Variants in TTC27 observed in about 807,000 individuals in gnomAD.
TTC27 encodes tetratricopeptide repeat domain 27, also known as tetratricopeptide repeat protein 27.
A neutral mutation model predicts 115.9 loss-of-function variants in TTC27; 79 were observed. The observed-to-expected ratio is 0.68, with a 90% CI of 0.57 to 0.82. The LOEUF is 0.82. Among genes scored for constraint, TTC27 ranks in the 40% least tolerant of loss-of-function variants. The probability of loss-of-function intolerance (pLI) is 0.00; values close to 1 mark genes in which losing one functional copy is unlikely to be tolerated. For missense variants in TTC27, 1,054 were observed against 993.1 expected (o/e 1.06, Z -0.82); for synonymous variants, 401 against 356.0 (o/e 1.13, Z -1.42).
chr2:32,676,429 TAA>T (rs1287446670), intron 8 of TTC27, among the ~76,000 whole-genome samples: 1 of 151,886 alleles, frequency 6.6e-6, no homozygotes, highest in Non-Finnish European at 1.5e-5. Context: ...ATAAAATCCT[TAA>T]ACAGTATTGA....
At chr2:32,630,721 T>G in intron 2 of TTC27, 21 bp downstream of exon 2, 1 of 1,593,420 alleles carries the variant, frequency 6.3e-7, no homozygotes, top group South Asian at 1.1e-5. Flanking sequence ...ATTTGAAATT[T>G]TCATAGAGGA....
chr2:32,791,734 G>T (rs998481559), intron 16 of TTC27, among the ~76,000 whole-genome samples: 1 of 152,090 alleles, frequency 6.6e-6, no homozygotes, highest in Non-Finnish European at 1.5e-5. Flanking sequence ...AATAAGCCAG[G>T]CATGGTGGGA....
chr2:32,636,459 C>A (rs1235041030), intron 3 of TTC27, among the ~76,000 whole-genome samples: 3 of 152,126 alleles, frequency 2.0e-5, no homozygotes, highest in Non-Finnish European at 4.4e-5. Context: ...GGTGATCCAC[C>A]CGCCTCGGCC....
At chr2:32,688,030 T>A (rs1351123694) in intron 9 of TTC27, among the ~76,000 whole-genome samples, 2 of 152,176 alleles carry the variant, frequency 1.3e-5, no homozygotes, top group Non-Finnish European at 2.9e-5. Flanking sequence ...GACCATATAC[T>A]GGGACATAAA....
intron 14 of TTC27, 110 bp downstream of exon 14, chr2:32,778,090 C>G: frequency 1.0e-6 from 1 of 976,880 alleles, no homozygotes; most frequent in Non-Finnish European, 1.5e-6. Flanking sequence ...GGAAAGTGTA[C>G]ATTTGAGGGA....
intron 16 of TTC27, among the ~76,000 whole-genome samples, chr2:32,803,010 A>G (rs1015667245): frequency 2.6e-5 from 4 of 152,120 alleles, no homozygotes; most frequent in Admixed American, 2.0e-4. Flanking sequence ...TGTCTGTTCA[A>G]CTGGTAATAT....
At chr2:32,741,128 C>A (rs1012997787) in intron 12 of TTC27, among the ~76,000 whole-genome samples, 2 of 152,186 alleles carry the variant, frequency 1.3e-5, no homozygotes, top group Non-Finnish European at 2.9e-5. Context: ...CACTTCAGAC[C>A]TTTGTAATTG....
intron 13 of TTC27, among the ~76,000 whole-genome samples, chr2:32,765,073 T>C (rs775597842): frequency 6.1e-4 from 93 of 152,368 alleles, no homozygotes; most frequent in Non-Finnish European, 1.0e-3. Flanking sequence ...GAATCAGGAA[T>C]GTTCTTATTG....
Position 32,798,272 on chromosome 2 carries a change from C to T in TTC27, c.1998+11123C>T, listed in dbSNP as rs968623805. Reference sequence around the variant, plus strand: ...ATACAAAAAAATGAATGGTGGCGGGCGCCTGTAGTCCCAGCTATTTGGGAG... The same window carrying T: ...ATACAAAAAAATGAATGGTGGCGGGTGCCTGTAGTCCCAGCTATTTGGGAG... On this transcript the variant is annotated intron_variant, in intron 16 of 19. Coordinates refer to ENST00000317907, the MANE Select transcript of TTC27 (RefSeq NM_017735.5). Among the ~76,000 whole-genome samples the T allele has an allele frequency of 7.9e-5, 12 of 151,124 alleles. No individual in the cohort carries two copies. In the South Asian group the frequency reaches 1.0e-3, roughly 13 times the overall value.
chr2:32,788,962 C>T (rs1303732010), intron 16 of TTC27, among the ~76,000 whole-genome samples: 1 of 152,182 alleles, frequency 6.6e-6, no homozygotes, highest in Non-Finnish European at 1.5e-5. Flanking sequence ...GTGTCTGAAA[C>T]TATCCTAAGC....
intron 13 of TTC27, among the ~76,000 whole-genome samples, chr2:32,759,665 C>T (rs2886888): frequency 0.34 from 51,061 of 152,064 alleles, 9,498 homozygotes; most frequent in Non-Finnish European, 0.41. Flanking sequence ...GGCAACCAAT[C>T]TCCAGAACTT....
intron 12 of TTC27, among the ~76,000 whole-genome samples, chr2:32,751,383 C>T (rs966824881): frequency 6.6e-6 from 1 of 152,014 alleles, no homozygotes; most frequent in Admixed American, 6.6e-5. Context: ...TGAGTTTACT[C>T]TTTTAATGAG....
At chr2:32,646,068 G>T (rs1452520806) in intron 4 of TTC27, among the ~76,000 whole-genome samples, 1 of 148,508 alleles carries the variant, frequency 6.7e-6, no homozygotes. Context: ...TCGCTCTGTC[G>T]CCCAGGCTGG....
intron 16 of TTC27, among the ~76,000 whole-genome samples, chr2:32,805,814 C>T (rs951133894): frequency 6.6e-6 from 1 of 152,128 alleles, no homozygotes; most frequent in Admixed American, 6.5e-5. Flanking sequence ...TATATTGGCC[C>T]CTTTGATGGA....
At chr2:32,761,802 T>A (rs1035494452) in intron 13 of TTC27, among the ~76,000 whole-genome samples, 3 of 152,212 alleles carry the variant, frequency 2.0e-5, no homozygotes, top group South Asian at 2.1e-4. Flanking sequence ...CTTACTTTTT[T>A]AAAAAAGTTC....
At chr2:32,723,724 C>G (rs190152876) in intron 10 of TTC27, among the ~76,000 whole-genome samples, 294 of 25,094 alleles carry the variant, frequency 0.012, 12 homozygotes, top group Non-Finnish European at 9.2e-3. Context: ...CCCTCCCTCC[C>G]TCCCTCCTTC....
At chr2:32,656,517 G>A (rs369243627) in intron 5 of TTC27, among the ~76,000 whole-genome samples, 1 of 152,196 alleles carries the variant, frequency 6.6e-6, no homozygotes, top group Non-Finnish European at 1.5e-5. Flanking sequence ...AGTGTGAAGG[G>A]TGTGTGTCTC....
intron 10 of TTC27, among the ~76,000 whole-genome samples, 154 bp downstream of exon 10, chr2:32,703,074 T>C (rs1667245208): frequency 6.6e-6 from 1 of 152,248 alleles, no homozygotes; most frequent in African/African-American, 2.4e-5. Flanking sequence ...ATTTAACTTC[T>C]TGGTTCCAAA....
At chr2:32,692,930 C>T (rs973536417) in intron 9 of TTC27, among the ~76,000 whole-genome samples, 3 of 150,892 alleles carry the variant, frequency 2.0e-5, no homozygotes, top group Non-Finnish European at 4.4e-5. Flanking sequence ...GGGCTGAGAT[C>T]GCACTACTGT....
Sources: allele counts gnomAD v4.1 joint callset (sites outside exome capture counted in the v4.1 genomes callset), GRCh38; gene constraint gnomAD v4.1.1; transcripts MANE v1.5; gene names NCBI Gene and HGNC (gene_info 2026-07-23, HGNC 2026-07-21).